TSGA10: variants seen among roughly 807,000 people sequenced by gnomAD.
The protein encoded by TSGA10 is testis-specific gene 10 protein.
Under a neutral mutation model 96.6 loss-of-function variants are expected in TSGA10, and 43 were observed. The ratio of observed to expected loss-of-function variants is 0.44; its 90% CI spans 0.35 to 0.57. The LOEUF (loss-of-function observed/expected upper bound fraction) is 0.57. TSGA10 is among the 20% of genes least tolerant of loss of function. The pLI, the probability that TSGA10 is intolerant of heterozygous loss-of-function variation, is 0.01. For missense variants in TSGA10, 703 were observed against 834.4 expected, an observed-to-expected ratio of 0.84 and a Z score of 1.94; for synonymous variants, 229 against 269.9, an observed-to-expected ratio of 0.85 and a Z score of 1.48.
intron 16 of TSGA10, among the ~76,000 whole-genome samples, chr2:99,041,895 G>A (rs1344570739): frequency 1.3e-5 from 2 of 152,112 alleles, no homozygotes; most frequent in Admixed American, 6.6e-5. Context: ...AGCCCCCAGA[G>A]TGGGAGAAAA....
chr2:99,003,209 A>G (rs145995807), intron 20 of TSGA10, among the ~76,000 whole-genome samples: 1,656 of 152,306 alleles, frequency 0.011, 11 homozygotes, highest in Middle Eastern at 0.027. Context: ...AGGCCATTAC[A>G]TAATGGTAAA....
intron 10 of TSGA10, among the ~76,000 whole-genome samples, chr2:99,085,810 A>T (rs1441924924): frequency 1.3e-5 from 2 of 152,142 alleles, no homozygotes; most frequent in Non-Finnish European, 1.5e-5. Context: ...TGATAAATGA[A>T]TTAGCACACT....
At position 99,020,266 on chromosome 2, in the gene TSGA10, G is replaced by C; in HGVS notation, c.1817+14C>G. On this transcript the variant is annotated intron_variant, in intron 18 of 20. Coordinates refer to ENST00000393483, the MANE Select transcript of TSGA10 (RefSeq NM_025244.4). ...AAGATGTATGACTTTACTTTATATTGCTAAACAACTCACATTTTATTTTCT... is the reference window on the plus strand; with the variant it reads ...AAGATGTATGACTTTACTTTATATTCCTAAACAACTCACATTTTATTTTCT... 1 of 1,608,096 alleles carries C rather than the reference G, an allele frequency of 6.2e-7. No individual in the cohort carries two copies. The highest frequency in any genetic ancestry group is 8.5e-7 in the Non-Finnish European group (1 of 1,175,350).
At chr2:99,007,193 A>G (rs573771622) in intron 20 of TSGA10, among the ~76,000 whole-genome samples, 1 of 152,304 alleles carries the variant, frequency 6.6e-6, no homozygotes, top group East Asian at 1.9e-4. Flanking sequence ...CCTAATGTAA[A>G]TGACGAGTTA....
At chr2:99,014,915 A>C (rs1185685407) in intron 20 of TSGA10, among the ~76,000 whole-genome samples, 3 of 152,232 alleles carry the variant, frequency 2.0e-5, no homozygotes, top group Admixed American at 2.0e-4. Flanking sequence ...TCCTGGAGAT[A>C]TACAACTCTC....
chr2:99,145,101 A>G (rs1158140533), intron 1 of TSGA10, among the ~76,000 whole-genome samples: 2 of 152,164 alleles, frequency 1.3e-5, no homozygotes, highest in Non-Finnish European at 2.9e-5. Context: ...TTCCTTCTGG[A>G]GGCTCTAGGG....
intron 17 of TSGA10, among the ~76,000 whole-genome samples, chr2:99,027,996 G>A (rs921641433): frequency 3.9e-5 from 6 of 152,134 alleles, no homozygotes; most frequent in East Asian, 1.9e-4. Context: ...TTTCCCTTGC[G>A]GTATATAGCC....
chr2:99,055,573 G>T (rs756044286), intron 16 of TSGA10, among the ~76,000 whole-genome samples: 2 of 151,648 alleles, frequency 1.3e-5, no homozygotes, highest in Non-Finnish European at 2.9e-5. Flanking sequence ...ATATCACATT[G>T]TACACTGTAA....
intron 4 of TSGA10, 22 bp downstream of exon 4, chr2:99,117,522 T>G (rs2092342755): frequency 1.0e-6 from 1 of 971,540 alleles, no homozygotes; most frequent in South Asian, 4.8e-5. Flanking sequence ...ATTAAAATCC[T>G]TATCCGTGGT....
rs200902126 is a variant in TSGA10 at position 99,020,376 on chromosome 2, T to C, written c.1721A>G (p.Asn574Ser). The change falls in exon 18 of 21, where the codon AAT (asparagine) becomes AGT (serine). Residue 574 changes from asparagine to serine, a missense_variant. Asn to Ser is a conservative substitution (Grantham distance 46, BLOSUM62 1). Around this residue, in one of 3 missense-constraint regions of TSGA10, gnomAD observed 49 missense variants for 96.4 expected, o/e 0.51. Coordinates refer to ENST00000393483, the MANE Select transcript of TSGA10 (RefSeq NM_025244.4). ...MQNLEALLVA[N>S]RDKEYQSQIA... The stretch of plus-strand genomic sequence containing the variant: ...CTGAGACTGATATTCTTTGTCTCGA[T>C]TGGCCACCAGCAAAGCTTCTAGATT... 4.0e-5 allele frequency: 65 copies of C among 1,613,934 alleles called. 1 individual carries two copies. The highest frequency in any genetic ancestry group is 1.8e-4 in the Admixed American group (11 of 60,022).
At chr2:99,132,035 T>C (rs1206605182) in intron 1 of TSGA10, among the ~76,000 whole-genome samples, 2 of 152,110 alleles carry the variant, frequency 1.3e-5, no homozygotes, top group Non-Finnish European at 2.9e-5. Flanking sequence ...AGTATTTTAT[T>C]GAGGATTTTC....
chr2:99,065,391 T>C (rs757285422), intron 15 of TSGA10, among the ~76,000 whole-genome samples: 1 of 152,188 alleles, frequency 6.6e-6, no homozygotes. Context: ...CTTCAAGACC[T>C]GAATGAATTT....
chr2:99,070,632 A>G (rs1186207706), intron 14 of TSGA10, among the ~76,000 whole-genome samples: 2 of 152,182 alleles, frequency 1.3e-5, no homozygotes, highest in Admixed American at 1.3e-4. Context: ...ATAGAAACTA[A>G]ATTTCTAGGT....
chr2:99,119,720 C>T (rs1282945951), intron 2 of TSGA10, among the ~76,000 whole-genome samples: 1 of 152,122 alleles, frequency 6.6e-6, no homozygotes, highest in East Asian at 1.9e-4. Context: ...AATTTTAAAG[C>T]TTAATCCAAA....
chr2:99,021,272 T>TA (rs1218385149), intron 17 of TSGA10, among the ~76,000 whole-genome samples: 1 of 151,854 alleles, frequency 6.6e-6, no homozygotes, highest in Non-Finnish European at 1.5e-5. Context: ...CTAAGCTAGA[T>TA]ACAATGCAAA....
chr2:99,057,449 C>T (rs934367493), intron 16 of TSGA10, among the ~76,000 whole-genome samples: 3 of 152,050 alleles, frequency 2.0e-5, no homozygotes, highest in South Asian at 2.1e-4. Flanking sequence ...TATTTTTATA[C>T]ACTTGCGATG....
chr2:99,004,530 T>G (rs983560393), intron 20 of TSGA10, among the ~76,000 whole-genome samples: 1 of 151,856 alleles, frequency 6.6e-6, no homozygotes, highest in Non-Finnish European at 1.5e-5. Context: ...GCAAATAAAC[T>G]AGAAAATCTA....
intron 10 of TSGA10, among the ~76,000 whole-genome samples, chr2:99,082,656 CCAGA>C (rs976685517): frequency 1.3e-5 from 2 of 152,034 alleles, no homozygotes; most frequent in Admixed American, 6.6e-5. Flanking sequence ...AGAACTAACC[CCAGA>C]CAAAGGCCTA....
rs2086399357 is a variant in TSGA10, at chr2:99,074,306, G to A, written c.883-1233C>T. 2.0e-5 allele frequency among the ~76,000 whole-genome samples: 3 copies of A among 151,398 alleles called. No individual in the cohort carries two copies. In the South Asian group the frequency reaches 6.3e-4, roughly 32 times the overall value. ...TGGGATTACAGGCGTAAGCCACTGC[G>A]CCCGGCCGTTCCTATTTCTTTAGCG... On this transcript the variant is annotated intron_variant, in intron 12 of 20. Coordinates refer to ENST00000393483, the MANE Select transcript of TSGA10 (RefSeq NM_025244.4).
Sources: allele counts gnomAD v4.1 joint callset (sites outside exome capture counted in the v4.1 genomes callset), GRCh38; gene constraint gnomAD v4.1.1; regional missense constraint gnomAD v4.1.1; transcripts MANE v1.5; gene names NCBI Gene and HGNC (gene_info 2026-07-23, HGNC 2026-07-21).